The following ENTHD1 variants were observed in gnomAD, a reference collection of about 807,000 sequenced individuals.
ENTHD1 encodes ENTH domain containing 1.
Under a neutral mutation model 39.1 loss-of-function variants are expected in ENTHD1, and 23 were observed. The observed-to-expected ratio is 0.59, with a 90% CI of 0.42 to 0.83. The LOEUF is 0.83. Ranked by LOEUF, ENTHD1 falls within the 40% of genes least tolerant of loss-of-function variation. The pLI, the probability that ENTHD1 is intolerant of heterozygous loss-of-function variation, is 0.00. For synonymous variants in ENTHD1, 230 were observed against 258.2 expected, an observed-to-expected ratio of 0.89 and a Z score of 1.05; for missense variants, 624 against 705.4, an observed-to-expected ratio of 0.88 and a Z score of 1.31.
chr22:39,889,430 A>G (rs952004314), intron 1 of ENTHD1, among the ~76,000 whole-genome samples: 1 of 152,118 alleles, frequency 6.6e-6, no homozygotes, highest in Non-Finnish European at 1.5e-5. Context: ...TCAGTTTGCA[A>G]TTTCTCTAGT....
Position 39,765,293 on chromosome 22 carries a change from G to A in ENTHD1, c.1149C>T (p.Asn383=), listed in dbSNP as rs778701516. ...IFDRVKEIVI[N]KAYQKPAQSS... ...ATTGTGCTGGTTTCTGGTAGGCCTT[G>A]TTGATTACAATCTCCTTCACTCGGT... is the stretch of plus-strand genomic sequence containing the variant. The change falls in exon 6 of 7, where the codon AAC becomes AAT. Residue 383 remains asparagine, a synonymous_variant. Transcript: ENST00000325157. 7 of 1,613,454 alleles carry A rather than the reference G, an allele frequency of 4.3e-6. No homozygotes were observed. In the African/African-American group the frequency reaches 6.7e-5, roughly 15 times the overall value.
chr22:39,850,457 T>G (rs1011318373), intron 3 of ENTHD1, among the ~76,000 whole-genome samples: 19 of 152,206 alleles, frequency 1.2e-4, no homozygotes, highest in African/African-American at 4.6e-4. Context: ...TTGCAGCATA[T>G]ATCTGGATTT....
chr22:39,889,686 G>C (rs766309612), intron 1 of ENTHD1, among the ~76,000 whole-genome samples: 16 of 152,164 alleles, frequency 1.1e-4, no homozygotes, highest in Non-Finnish European at 2.4e-4. Flanking sequence ...ATTAAAGGAA[G>C]ACATAAATTT....
intron 5 of ENTHD1, among the ~76,000 whole-genome samples, chr22:39,812,015 CA>C (rs11388421): frequency 4.9e-5 from 6 of 123,350 alleles, no homozygotes; most frequent in African/African-American, 1.6e-4. Flanking sequence ...AACAAACAAA[CA>C]AAAAAAAAAC....
At chr22:39,817,497 T>C (rs977540087) in intron 5 of ENTHD1, among the ~76,000 whole-genome samples, 4 of 152,100 alleles carry the variant, frequency 2.6e-5, no homozygotes, top group Non-Finnish European at 5.9e-5. Flanking sequence ...TAAAACAAAG[T>C]GAATTCTATA....
chr22:39,862,088 TA>T, intron 2 of ENTHD1, 81 bp from the exon 3 acceptor site: 1 of 1,151,456 alleles, frequency 8.7e-7, no homozygotes, highest in South Asian at 3.5e-5. Flanking sequence ...GAAATTTTTT[TA>T]AAAATAAAAA....
At chr22:39,864,829 T>G (rs908959788) in intron 2 of ENTHD1, among the ~76,000 whole-genome samples, 1 of 152,054 alleles carries the variant, frequency 6.6e-6, no homozygotes, top group Non-Finnish European at 1.5e-5. Context: ...GAGGCAGAGG[T>G]TGCAGTGAGC....
chr22:39,813,594 G>T (rs2065710312), intron 5 of ENTHD1, among the ~76,000 whole-genome samples: 1 of 152,166 alleles, frequency 6.6e-6, no homozygotes, highest in Non-Finnish European at 1.5e-5. Flanking sequence ...ACGGAGAGCT[G>T]CAAAAACACA....
intron 2 of ENTHD1, chr22:39,874,307 A>G (rs1479837291): frequency 1.3e-5 from 2 of 152,144 alleles, no homozygotes; most frequent in East Asian, 1.9e-4. Context: ...TTTTTACCCC[A>G]TGTTCTCCTA....
chr22:39,883,066 GA>G (rs1482754376), intron 2 of ENTHD1, among the ~76,000 whole-genome samples: 1 of 144,802 alleles, frequency 6.9e-6, no homozygotes, highest in Non-Finnish European at 1.5e-5. Flanking sequence ...ATATGTAAAA[GA>G]TAATATTTTC....
At chr22:39,875,145 C>G in intron 2 of ENTHD1, 1 of 462,084 alleles carries the variant, frequency 2.2e-6, no homozygotes, top group Non-Finnish European at 3.4e-6. Context: ...GCAATAAAAA[C>G]AAATGATATT....
chr22:39,866,026 T>G (rs1013618092), intron 2 of ENTHD1, among the ~76,000 whole-genome samples: 5 of 152,160 alleles, frequency 3.3e-5, no homozygotes, highest in African/African-American at 1.2e-4. Context: ...CTCTTCAAAT[T>G]TGGAGTATCA....
At position 39,779,449 on chromosome 22, in the gene ENTHD1, T is replaced by G. The variant is rs574117518; in HGVS notation, c.833-13840A>C. On this transcript the variant is annotated intron_variant, in intron 5 of 6. Coordinates refer to ENST00000325157, the MANE Select transcript of ENTHD1 (RefSeq NM_152512.4). ...AAAAATAACAACTGAAATTTTAAAA[T>G]AAATTGGTGAACAAGAGCTGGGAGA... is the stretch of plus-strand genomic sequence containing the variant. Among the ~76,000 whole-genome samples the G allele has an allele frequency of 5.3e-5, 8 of 151,310 alleles. No homozygotes were observed. The East Asian group carries it at 1.5e-3, about 29-fold the overall frequency.
chr22:39,886,541 T>C (rs2066380539), intron 2 of ENTHD1, among the ~76,000 whole-genome samples: 1 of 152,218 alleles, frequency 6.6e-6, no homozygotes, highest in Admixed American at 6.5e-5. Context: ...ATAATTTTCC[T>C]GTAAACCTAA....
intron 3 of ENTHD1, among the ~76,000 whole-genome samples, chr22:39,857,501 G>C (rs1378345744): frequency 9.1e-6 from 1 of 109,620 alleles, no homozygotes; most frequent in East Asian, 2.5e-4. Flanking sequence ...CAATAAACTA[G>C]AATTTCTTGC....
intron 5 of ENTHD1, among the ~76,000 whole-genome samples, chr22:39,818,749 C>G (rs1199304809): frequency 1.3e-5 from 2 of 152,058 alleles, no homozygotes; most frequent in Admixed American, 6.6e-5. Flanking sequence ...TAGAAAAAGC[C>G]CCTCTGATTA....
chr22:39,872,062 G>A (rs1318219729), intron 2 of ENTHD1, among the ~76,000 whole-genome samples: 1 of 152,138 alleles, frequency 6.6e-6, no homozygotes, highest in Non-Finnish European at 1.5e-5. Context: ...TGGGTTCACC[G>A]ATTAGAGAAT....
At chr22:39,852,160 T>C (rs2066045723) in intron 3 of ENTHD1, among the ~76,000 whole-genome samples, 1 of 151,592 alleles carries the variant, frequency 6.6e-6, no homozygotes, top group South Asian at 2.1e-4. Flanking sequence ...TGGTGAAACT[T>C]TGTTTCTACC....
At chr22:39,815,314 G>T (rs1358878090) in intron 5 of ENTHD1, among the ~76,000 whole-genome samples, 3 of 151,896 alleles carry the variant, frequency 2.0e-5, no homozygotes, top group African/African-American at 7.3e-5. Flanking sequence ...GTGGTGGTGC[G>T]CGCCTATAAT....
Sources: gnomAD v4.1 joint callset for allele counts (sites outside exome capture counted in the v4.1 genomes callset) on GRCh38, gnomAD v4.1.1 for gene constraint, MANE v1.5 for transcripts, NCBI Gene and HGNC (gene_info 2026-07-23, HGNC 2026-07-21) for gene names.